Variants in IL1RAPL2 observed in about 807,000 individuals in gnomAD.
IL1RAPL2 encodes the protein interleukin 1 receptor accessory protein like 2, also known as X-linked interleukin-1 receptor accessory protein-like 2.
A neutral mutation model predicts 44.1 loss-of-function variants in IL1RAPL2; 3 were observed. The ratio of observed to expected loss-of-function variants is 0.07; its 90% CI spans 0.03 to 0.18. The LOEUF (loss-of-function observed/expected upper bound fraction) is 0.18. Among genes scored for constraint, IL1RAPL2 ranks in the 10% least tolerant of loss-of-function variants. IL1RAPL2 has a pLI of 1.00. For missense variants in IL1RAPL2, 391 were observed against 496.4 expected (o/e 0.79, Z 2.02); for synonymous variants, 181 against 178.8 (o/e 1.01, Z -0.10).
chrX:104,663,594 T>A (rs1353251185), intron 2 of IL1RAPL2, among the ~76,000 whole-genome samples: 1 of 109,660 alleles, frequency 9.1e-6, no homozygotes, highest in Non-Finnish European at 1.9e-5. Context: ...TGATTTGTTC[T>A]TTAATTGAAA....
At chrX:105,078,105 C>T (rs1239693372) in intron 2 of IL1RAPL2, among the ~76,000 whole-genome samples, 1 of 111,869 alleles carries the variant, frequency 8.9e-6, no homozygotes, top group Non-Finnish European at 1.9e-5. Context: ...GGAGGAGAGG[C>T]ACTCTGATTT....
chrX:104,718,563 ACT>A (rs761322971), intron 2 of IL1RAPL2, among the ~76,000 whole-genome samples: 1 of 108,009 alleles, frequency 9.3e-6, no homozygotes, highest in Non-Finnish European at 1.9e-5. Context: ...TCCCCTGTGT[ACT>A]CTCTCTCTCC....
At chrX:105,070,026 A>C (rs1472728513) in intron 2 of IL1RAPL2, among the ~76,000 whole-genome samples, 3 of 111,793 alleles carry the variant, frequency 2.7e-5, no homozygotes, top group Non-Finnish European at 5.6e-5. Flanking sequence ...AGTTGCTCTG[A>C]ATATGCCTTG....
At chrX:105,628,539 T>C (rs2037470169) in intron 6 of IL1RAPL2, among the ~76,000 whole-genome samples, 1 of 112,513 alleles carries the variant, frequency 8.9e-6, no homozygotes, top group South Asian at 3.6e-4. Flanking sequence ...TGGGGTGTTA[T>C]AAACAGTCAA....
chrX:105,014,130 C>T (rs1390243281), intron 2 of IL1RAPL2, among the ~76,000 whole-genome samples: 1 of 110,872 alleles, frequency 9.0e-6, no homozygotes, highest in Non-Finnish European at 1.9e-5. Flanking sequence ...TTTTTTTTAG[C>T]CCTTGATGTT....
intron 6 of IL1RAPL2, among the ~76,000 whole-genome samples, chrX:105,580,493 G>A (rs188316204): frequency 2.2e-4 from 24 of 109,179 alleles, no homozygotes; most frequent in African/African-American, 7.7e-4. Flanking sequence ...CAGTCACCTT[G>A]ACTCACTTAT....
At chrX:105,223,109 C>T (rs1299668457) in intron 3 of IL1RAPL2, among the ~76,000 whole-genome samples, 5 of 107,593 alleles carry the variant, frequency 4.6e-5, no homozygotes, top group African/African-American at 1.0e-4. Context: ...GAGATCATGC[C>T]ACTGCACTCC....
At chrX:105,577,917 G>C (rs631294) in intron 6 of IL1RAPL2, among the ~76,000 whole-genome samples, 50,333 of 109,258 alleles carry the variant, frequency 0.46, 9,753 homozygotes, top group African/African-American at 0.74. Context: ...TTTTAGGGTA[G>C]ATGTGTACAA....
chrX:105,020,954 A>C (rs1275100695), intron 2 of IL1RAPL2, among the ~76,000 whole-genome samples: 1 of 111,994 alleles, frequency 8.9e-6, no homozygotes, highest in Non-Finnish European at 1.9e-5. Context: ...ATATCCATTT[A>C]TTTTCACATA....
rs2038492273 is a variant in IL1RAPL2 at position 105,740,682 on chromosome X, C to T, written c.1039C>T (p.Arg347Cys). The T allele has an allele frequency of 2.5e-6, 3 of 1,202,955 alleles. No homozygotes were observed. The highest frequency in any genetic ancestry group is 2.2e-6 in the Non-Finnish European group (2 of 890,271). ...ACGGAAACATGCCAGTGTTTTGCTG[C>T]GTAAAAAGGGTATTTATTTTTATAA... Reference protein sequence around the residue: ...NGRKHASVLLRKKDLIYKIEL... With the variant: ...NGRKHASVLLCKKDLIYKIEL... Residue 347 changes from arginine to cysteine, a missense_variant, in exon 8 of 11, where the codon CGT becomes TGT. Arg to Cys is a radical substitution (Grantham distance 180, BLOSUM62 -3). Around this residue, in one of 2 missense-constraint regions of IL1RAPL2, gnomAD observed 232 missense variants for 244.8 expected, o/e 0.95. Coordinates refer to ENST00000372582, the MANE Select transcript of IL1RAPL2 (RefSeq NM_017416.2).
intron 2 of IL1RAPL2, among the ~76,000 whole-genome samples, chrX:105,092,341 G>A (rs762330117): frequency 9.0e-6 from 1 of 111,284 alleles, no homozygotes; most frequent in South Asian, 3.9e-4. Context: ...GTTTATTGCA[G>A]GGAAATGATA....
intron 2 of IL1RAPL2, among the ~76,000 whole-genome samples, chrX:104,936,619 C>CTT (rs1925032964): frequency 1.0e-5 from 1 of 99,023 alleles, no homozygotes; most frequent in African/African-American, 4.3e-5. Context: ...ATTTACCAGA[C>CTT]TCTTTTTTTT....
At chrX:105,648,821 G>A (rs750150341) in intron 6 of IL1RAPL2, among the ~76,000 whole-genome samples, 3 of 110,540 alleles carry the variant, frequency 2.7e-5, no homozygotes, top group Non-Finnish European at 5.7e-5. Context: ...GGGAATTTCT[G>A]TGAAGCCACT....
chrX:104,678,694 C>G (rs1015855309), intron 2 of IL1RAPL2, among the ~76,000 whole-genome samples: 5 of 111,903 alleles, frequency 4.5e-5, no homozygotes, highest in Admixed American at 9.5e-5. Context: ...GCTGTTGCTA[C>G]TAATTTCAGT....
intron 2 of IL1RAPL2, among the ~76,000 whole-genome samples, chrX:104,761,572 C>T (rs1328933003): frequency 9.0e-6 from 1 of 111,336 alleles, no homozygotes; most frequent in Middle Eastern, 4.2e-3. Flanking sequence ...AAAGTCTTAA[C>T]TCATTCCAGG....
intron 2 of IL1RAPL2, among the ~76,000 whole-genome samples, chrX:104,913,023 A>G (rs1411768416): frequency 8.9e-6 from 1 of 111,786 alleles, no homozygotes; most frequent in African/African-American, 3.2e-5. Flanking sequence ...GACTGTATCT[A>G]CCAGGGCCAG....
chrX:105,327,692 G>T (rs1336944781), intron 5 of IL1RAPL2, among the ~76,000 whole-genome samples: 3 of 111,423 alleles, frequency 2.7e-5, no homozygotes, highest in Admixed American at 1.9e-4. Flanking sequence ...TGGTAGGAAG[G>T]CTTCATTTCA....
intron 6 of IL1RAPL2, among the ~76,000 whole-genome samples, chrX:105,670,614 TA>T (rs34969798): frequency 0.029 from 2,960 of 101,506 alleles, 33 homozygotes; most frequent in Non-Finnish European, 0.042. Flanking sequence ...TGTCTATATC[TA>T]AAAAAAAAAA....
At chrX:105,111,516 T>A (rs147038739) in intron 2 of IL1RAPL2, among the ~76,000 whole-genome samples, 54 of 111,980 alleles carry the variant, frequency 4.8e-4, no homozygotes, top group African/African-American at 1.6e-3. Flanking sequence ...GTCTGCAGAA[T>A]CCTTTTAACT....
Sources: gnomAD v4.1 joint callset for allele counts (sites outside exome capture counted in the v4.1 genomes callset) on GRCh38, gnomAD v4.1.1 for gene constraint, gnomAD v4.1.1 regional missense constraint, MANE v1.5 for transcripts, NCBI Gene and HGNC (gene_info 2026-07-23, HGNC 2026-07-21) for gene names.